The following TMEM161B variants were observed in gnomAD, a reference collection of about 807,000 sequenced individuals.
TMEM161B encodes the protein transmembrane protein 161B.
Under a neutral mutation model 61.8 loss-of-function variants are expected in TMEM161B, and 34 were observed. The observed-to-expected ratio is 0.55, with a 90% CI of 0.42 to 0.73. TMEM161B has a LOEUF of 0.73. Ranked by LOEUF, TMEM161B falls within the 30% of genes least tolerant of loss-of-function variation. The pLI, the probability that TMEM161B is intolerant of heterozygous loss-of-function variation, is 0.00. For missense variants in TMEM161B, 456 were observed against 558.5 expected (o/e 0.82, Z 1.85); for synonymous variants, 167 against 192.8 (o/e 0.87, Z 1.11).
At chr5:88,220,096 G>A (rs1748639831) in intron 5 of TMEM161B, among the ~76,000 whole-genome samples, 1 of 151,932 alleles carries the variant, frequency 6.6e-6, no homozygotes, top group African/African-American at 2.4e-5. Context: ...TTTAAGGAAG[G>A]TAATAATACA....
At chr5:88,191,643 GA>G (rs769480396), downstream of TMEM161B, among the ~76,000 whole-genome samples, 1 of 152,060 alleles carries the variant, frequency 6.6e-6, no homozygotes, top group East Asian at 1.9e-4. Context: ...ATAACACAGA[GA>G]AATCAGTTAT....
intron 2 of TMEM161B, among the ~76,000 whole-genome samples, chr5:88,237,983 AC>A (rs1752138912): frequency 1.3e-5 from 2 of 152,154 alleles, no homozygotes; most frequent in South Asian, 4.2e-4. Flanking sequence ...TAGGTGGGGG[AC>A]CATCCAATGC....
At chr5:88,222,890 G>T (rs1749262726) in intron 4 of TMEM161B, among the ~76,000 whole-genome samples, 1 of 152,018 alleles carries the variant, frequency 6.6e-6, no homozygotes, top group Non-Finnish European at 1.5e-5. Flanking sequence ...GTCAAAAGAA[G>T]TTAAGACAGA....
intron 5 of TMEM161B, among the ~76,000 whole-genome samples, chr5:88,213,433 A>T (rs563134622): frequency 1.1e-4 from 16 of 152,092 alleles, no homozygotes; most frequent in Non-Finnish European, 1.9e-4. Flanking sequence ...TAAGCAAAAA[A>T]CTATCGTGCC....
chr5:88,189,829 C>T (rs1748606100), exon 13 of TMEM161B: 3 of 527,530 alleles, frequency 5.7e-6, no homozygotes, highest in South Asian at 4.7e-5. Context: ...ATAGGGAGAG[C>T]CTGTATCCAT....
chr5:88,253,490 G>A (rs989230387), intron 1 of TMEM161B, among the ~76,000 whole-genome samples: 2 of 152,152 alleles, frequency 1.3e-5, no homozygotes, highest in Non-Finnish European at 2.9e-5. Flanking sequence ...AGGAAGAGAA[G>A]GTCAGGCAGT....
chr5:88,205,189 A>G (rs193110074), intron 8 of TMEM161B, among the ~76,000 whole-genome samples: 8 of 152,332 alleles, frequency 5.3e-5, no homozygotes, highest in Admixed American at 2.0e-4. Flanking sequence ...GCTTTGAACT[A>G]CATATGAAGA....
chr5:88,220,727 G>GAAAAAAAAA lies in TMEM161B; in HGVS notation c.290-17_290-9dup, dbSNP rs764112016. ...CTGGAAAGTAATGCAATGCTGGAAA[G>GAAAAAAAAA]AAAAAAAAAAAAAAAAAAAAAAAAG... On this transcript the variant is annotated splice_polypyrimidine_tract_variant and intron_variant, in intron 4 of 11. Coordinates refer to ENST00000296595, the MANE Select transcript of TMEM161B (RefSeq NM_153354.5). The GAAAAAAAAA allele has an allele frequency of 1.4e-4, 84 of 602,646 alleles. No individual in the cohort carries two copies. The highest frequency in any genetic ancestry group is 7.1e-4 in the Middle Eastern group (1 of 1,416). The allele number at this position is 602,646 out of a possible 1,614,324, so 37.3% of individuals were successfully genotyped here. A position where few individuals can be genotyped will look rare whatever the true frequency, so the allele number is the denominator to read the frequency against.
intron 1 of TMEM161B, among the ~76,000 whole-genome samples, chr5:88,261,956 T>A (rs938039349): frequency 1.3e-5 from 2 of 152,042 alleles, no homozygotes; most frequent in Non-Finnish European, 2.9e-5. Flanking sequence ...TAAAATCTGC[T>A]CTGTAAAAGA....
chr5:88,239,180 A>G (rs1752342415), intron 2 of TMEM161B, among the ~76,000 whole-genome samples: 1 of 152,062 alleles, frequency 6.6e-6, no homozygotes, highest in African/African-American at 2.4e-5. Flanking sequence ...CTCAGGCTTT[A>G]GTTTTCACTA....
downstream of TMEM161B, among the ~76,000 whole-genome samples, chr5:88,187,753 TG>T (rs1246743593): frequency 1.6e-4 from 19 of 117,104 alleles, no homozygotes; most frequent in Non-Finnish European, 1.8e-4. Flanking sequence ...ATTAATCTTT[TG>T]GAACAATCGT....
In TMEM161B at chr5:88,202,990, G is replaced by C. The variant is rs748166740; in HGVS notation, c.886C>G (p.Pro296Ala). ...KPITKDYIMN[P>A]PLGKESIPLM... ...GGGATACTTTCTTTGCCCAGTGGTG[G>C]GTTCATAATGTAGTCTTTGGTGATT... The change falls in exon 9 of 12, where the codon CCA (proline) becomes GCA (alanine). Residue 296 changes from proline (P) to alanine (A), a missense_variant. Pro to Ala is a conservative substitution (Grantham distance 27). Around this residue, in one of 3 missense-constraint regions of TMEM161B, gnomAD observed 367 missense variants for 427.3 expected, o/e 0.86. Transcript: ENST00000296595. The C allele has an allele frequency of 6.2e-7, 1 of 1,611,176 alleles. No homozygotes were observed. The highest frequency in any genetic ancestry group is 8.5e-7 in the Non-Finnish European group (1 of 1,177,646).
At chr5:88,215,957 T>C (rs1255401057) in intron 5 of TMEM161B, among the ~76,000 whole-genome samples, 1 of 152,212 alleles carries the variant, frequency 6.6e-6, no homozygotes, top group Non-Finnish European at 1.5e-5. Context: ...GAAAAGAATA[T>C]TCAATAATAA....
At chr5:88,186,323 C>T (rs1265420515), downstream of TMEM161B, among the ~76,000 whole-genome samples, 6 of 152,048 alleles carry the variant, frequency 3.9e-5, no homozygotes, top group Non-Finnish European at 8.8e-5. Flanking sequence ...TTTAACGTGG[C>T]CTGAAATAAA....
At chr5:88,217,569 G>A (rs1008108211) in intron 5 of TMEM161B, among the ~76,000 whole-genome samples, 5 of 151,636 alleles carry the variant, frequency 3.3e-5, no homozygotes, top group African/African-American at 4.8e-5. Flanking sequence ...TGGCGGCAGC[G>A]GTGGGCGAGG....
At chr5:88,241,712 T>C (rs185076861) in intron 1 of TMEM161B, among the ~76,000 whole-genome samples, 1 of 151,884 alleles carries the variant, frequency 6.6e-6, no homozygotes, top group East Asian at 1.9e-4. Context: ...ATCCTCTTAG[T>C]TTACTCTCAT....
chr5:88,254,386 A>G (rs1337830311), intron 1 of TMEM161B, among the ~76,000 whole-genome samples: 1 of 152,200 alleles, frequency 6.6e-6, no homozygotes, highest in Non-Finnish European at 1.5e-5. Context: ...AAGAACCACA[A>G]TGGGGTAAGG....
intron 4 of TMEM161B, chr5:88,221,726 G>A (rs1047676469): frequency 6.6e-6 from 3 of 455,970 alleles, no homozygotes; most frequent in Non-Finnish European, 1.3e-5. Flanking sequence ...CCAGAGTGTA[G>A]TCCAAAACAT....
At chr5:88,255,014 C>T (rs905385973) in intron 1 of TMEM161B, among the ~76,000 whole-genome samples, 3 of 152,060 alleles carry the variant, frequency 2.0e-5, no homozygotes, top group African/African-American at 7.2e-5. Context: ...ACACCAAGAT[C>T]AGGGTCTTCA....
Sources: allele counts gnomAD v4.1 joint callset (sites outside exome capture counted in the v4.1 genomes callset), GRCh38; gene constraint gnomAD v4.1.1; regional missense constraint gnomAD v4.1.1; transcripts MANE v1.5; gene names NCBI Gene and HGNC (gene_info 2026-07-23, HGNC 2026-07-21).